The following AKAP10 variants were observed in gnomAD, a reference collection of about 807,000 sequenced individuals.
AKAP10 encodes A-kinase anchor protein 10, mitochondrial.
AKAP10 carries 24 observed loss-of-function variants against 80.8 expected under a neutral mutation model. That is an observed-to-expected ratio of 0.30 (90% confidence interval 0.22 to 0.42). The LOEUF (loss-of-function observed/expected upper bound fraction) is 0.42, where lower values mean the gene tolerates loss of function less well. Ranked by LOEUF, AKAP10 falls within the 10% of genes least tolerant of loss-of-function variation. The pLI is 1.00. For missense variants in AKAP10, 661 were observed against 794.9 expected, an observed-to-expected ratio of 0.83 and a Z score of 2.03; for synonymous variants, 291 against 277.7, an observed-to-expected ratio of 1.05 and a Z score of -0.48.
chr17:19,920,141 C>CT (rs2042794346), intron 11 of AKAP10, 23 bp from the exon 12 acceptor site: 2 of 1,514,620 alleles, frequency 1.3e-6, no homozygotes, highest in Non-Finnish European at 1.8e-6. Context: ...GAACAGAAGA[C>CT]TTTAACTTCT....
At chr17:19,964,877 A>G (rs978269259) in intron 2 of AKAP10, among the ~76,000 whole-genome samples, 1 of 152,236 alleles carries the variant, frequency 6.6e-6, no homozygotes, top group African/African-American at 2.4e-5. Flanking sequence ...CCTGGGCAAC[A>G]GAGCGAGAAT....
At chr17:19,954,591 TCTC>T in intron 4 of AKAP10, among the ~76,000 whole-genome samples, 1 of 151,508 alleles carries the variant, frequency 6.6e-6, no homozygotes, top group South Asian at 2.1e-4. Flanking sequence ...TTCACACTAT[TCTC>T]CTGCCTCAAC....
At chr17:19,913,217 A>C (rs1416697158) in intron 12 of AKAP10, among the ~76,000 whole-genome samples, 27 of 144,172 alleles carry the variant, frequency 1.9e-4, no homozygotes, top group Middle Eastern at 7.6e-3. Context: ...TCAGCGGTGC[A>C]ATCTCAGCTC....
Position 19,968,620 on chromosome 17 carries a change from G to A in AKAP10, c.89-159C>T, listed in dbSNP as rs188074080. Among the ~76,000 whole-genome samples the A allele has an allele frequency of 4.0e-3, 613 of 152,300 alleles. 5 individuals are homozygous for A. The highest frequency in any genetic ancestry group is 0.014 in the African/African-American group (572 of 41,566). ...GCACAGGAGGGTAGTTGTCAGCAAA[G>A]GCTTCTCTAAGGAAGTGACCTTGGA... is the stretch of plus-strand genomic sequence containing the variant. On this transcript the variant is annotated intron_variant, in intron 1 of 14. Coordinates refer to ENST00000225737, the MANE Select transcript of AKAP10 (RefSeq NM_007202.4).
chr17:19,967,023 T>C (rs1405233017), intron 2 of AKAP10, among the ~76,000 whole-genome samples: 7 of 152,186 alleles, frequency 4.6e-5, no homozygotes, highest in African/African-American at 1.7e-4. Context: ...TAAGTTATAA[T>C]TAGTCTTCTT....
intron 12 of AKAP10, among the ~76,000 whole-genome samples, chr17:19,916,235 C>G (rs1188744842): frequency 6.6e-6 from 1 of 152,214 alleles, no homozygotes; most frequent in Admixed American, 6.5e-5. Flanking sequence ...CTACTCTCTC[C>G]CAGCCCCCTA....
chr17:19,927,852 G>A (rs898095686), intron 10 of AKAP10, among the ~76,000 whole-genome samples: 2 of 152,026 alleles, frequency 1.3e-5, no homozygotes, highest in Non-Finnish European at 2.9e-5. Flanking sequence ...AGAGGTTGCA[G>A]TGAGCCAAGA....
intron 1 of AKAP10, among the ~76,000 whole-genome samples, chr17:19,969,709 TGA>T (rs1313757247): frequency 6.6e-6 from 1 of 152,162 alleles, no homozygotes; most frequent in Non-Finnish European, 1.5e-5. Flanking sequence ...CATCAACTGT[TGA>T]GTGCTTGGTA....
intron 10 of AKAP10, among the ~76,000 whole-genome samples, chr17:19,925,303 T>C (rs913279479): frequency 3.9e-5 from 6 of 152,344 alleles, no homozygotes; most frequent in African/African-American, 1.4e-4. Context: ...TCCAGAAATA[T>C]GTATCTTGGG....
chr17:19,914,260 A>G (rs1420482962), intron 12 of AKAP10, among the ~76,000 whole-genome samples: 1 of 152,190 alleles, frequency 6.6e-6, no homozygotes, highest in Non-Finnish European at 1.5e-5. Context: ...CCAGCCTCCC[A>G]AAGTATTGAG....
At chr17:19,937,303 A>G (rs575328511) in intron 8 of AKAP10, among the ~76,000 whole-genome samples, 66 of 152,328 alleles carry the variant, frequency 4.3e-4, no homozygotes, top group East Asian at 2.3e-3. Flanking sequence ...GGAGTTCAAG[A>G]CCGGCCTGGC....
At chr17:19,935,850 T>G (rs2042986438) in intron 9 of AKAP10, among the ~76,000 whole-genome samples, 1 of 152,164 alleles carries the variant, frequency 6.6e-6, no homozygotes, top group East Asian at 1.9e-4. Context: ...GTTAACTGTT[T>G]TCTTAGTAAG....
At chr17:19,910,325 CAA>C (rs3031068) in intron 12 of AKAP10, among the ~76,000 whole-genome samples, 22 of 90,628 alleles carry the variant, frequency 2.4e-4, no homozygotes, top group South Asian at 4.1e-4. Context: ...GACTCCAACT[CAA>C]AAAAAAAAAA....
intron 12 of AKAP10, 131 bp from the exon 13 acceptor site, chr17:19,910,109 C>T: frequency 2.6e-6 from 2 of 764,166 alleles, no homozygotes; most frequent in South Asian, 3.3e-5. Context: ...GGGTGATTCA[C>T]CTGAGGTTAA....
chr17:19,911,930 G>C (rs2042695466), intron 12 of AKAP10, among the ~76,000 whole-genome samples: 1 of 146,120 alleles, frequency 6.8e-6, no homozygotes, highest in Non-Finnish European at 1.5e-5. Context: ...ACATGTAAGG[G>C]ATTTATCAAT....
chr17:19,953,823 C>T (rs2043241861), intron 4 of AKAP10, among the ~76,000 whole-genome samples: 1 of 152,044 alleles, frequency 6.6e-6, no homozygotes, highest in Non-Finnish European at 1.5e-5. Context: ...CTTGAGGTCA[C>T]AAGTTCGAGA....
intron 10 of AKAP10, chr17:19,929,492 G>A (rs903101082): frequency 6.6e-6 from 1 of 152,148 alleles, no homozygotes; most frequent in African/African-American, 2.4e-5. Flanking sequence ...GGGCCCAAGA[G>A]GGCTTCTAGA....
At chr17:19,957,961 T>C in intron 4 of AKAP10, 53 bp downstream of exon 4, 1 of 1,497,908 alleles carries the variant, frequency 6.7e-7, no homozygotes, top group Non-Finnish European at 9.0e-7. Context: ...GCTTAGTAAA[T>C]TAAAAAAAGA....
chr17:19,920,134 CA>C lies in AKAP10; in HGVS notation c.1752-17del. The C allele has an allele frequency of 6.4e-7, 1 of 1,564,248 alleles. No homozygotes were observed. Among genetic ancestry groups the C allele is most frequent in the Non-Finnish European group, 8.8e-7 (1 of 1,137,264 alleles). ...TGTCATCTTCCTAAATAAGAATGAA[CA>C]GAAGACTTTAACTTCTAACAATCAG... On this transcript the variant is annotated splice_polypyrimidine_tract_variant and intron_variant, in intron 11 of 14. Transcript: ENST00000225737.
Sources: gnomAD v4.1 joint callset for allele counts (sites outside exome capture counted in the v4.1 genomes callset) on GRCh38, gnomAD v4.1.1 for gene constraint, MANE v1.5 for transcripts, NCBI Gene and HGNC (gene_info 2026-07-23, HGNC 2026-07-21) for gene names.